The following SLC35F4 variants were observed in gnomAD, a reference collection of about 807,000 sequenced individuals.
SLC35F4 encodes the protein chromosome 14 open reading frame 36.
Under a neutral mutation model 44.2 loss-of-function variants are expected in SLC35F4, and 24 were observed. The ratio of observed to expected loss-of-function variants is 0.54; its 90% CI spans 0.39 to 0.76. The LOEUF is 0.76. Ranked by LOEUF, SLC35F4 falls within the 30% of genes least tolerant of loss-of-function variation. The pLI, the probability that SLC35F4 is intolerant of heterozygous loss-of-function variation, is 0.00. For missense variants in SLC35F4, 562 were observed against 586.1 expected (o/e 0.96, Z 0.42); for synonymous variants, 238 against 223.6 (o/e 1.06, Z -0.57).
intron 1 of SLC35F4, among the ~76,000 whole-genome samples, chr14:57,959,292 G>A (rs751004546): frequency 7.2e-5 from 11 of 152,132 alleles, no homozygotes; most frequent in African/African-American, 9.7e-5. Flanking sequence ...TGGTAGTAAT[G>A]TAAAGTTTCC....
At chr14:57,675,461 G>A (rs558305673) in intron 1 of SLC35F4, among the ~76,000 whole-genome samples, 2 of 151,926 alleles carry the variant, frequency 1.3e-5, no homozygotes, top group Non-Finnish European at 2.9e-5. Flanking sequence ...ACTGGCAAAC[G>A]GCAACAATTT....
chr14:57,738,950 A>G (rs1175717311), intron 1 of SLC35F4, among the ~76,000 whole-genome samples: 3 of 151,770 alleles, frequency 2.0e-5, no homozygotes, highest in African/African-American at 4.8e-5. Flanking sequence ...TATCCTCCAG[A>G]GGATACAAAG....
chr14:57,744,465 C>A (rs1046112328), intron 1 of SLC35F4, among the ~76,000 whole-genome samples: 2 of 151,784 alleles, frequency 1.3e-5, no homozygotes, highest in East Asian at 3.9e-4. Context: ...ATGAGTGAAC[C>A]CCCATTCACA....
intron 1 of SLC35F4, among the ~76,000 whole-genome samples, chr14:57,957,896 CACTT>C (rs780092731): frequency 3.8e-3 from 580 of 152,252 alleles, no homozygotes; most frequent in Non-Finnish European, 6.6e-3. Context: ...CACACACACA[CACTT>C]ACGTATATAT....
intron 1 of SLC35F4, among the ~76,000 whole-genome samples, chr14:57,706,431 AT>A (rs2075678237): frequency 6.6e-6 from 1 of 152,182 alleles, no homozygotes; most frequent in African/African-American, 2.4e-5. Context: ...GAAGGTGGCC[AT>A]GTTGCAGGCC....
At chr14:57,739,580 G>C (rs1421871041) in intron 1 of SLC35F4, among the ~76,000 whole-genome samples, 3 of 152,132 alleles carry the variant, frequency 2.0e-5, no homozygotes, top group Non-Finnish European at 4.4e-5. Flanking sequence ...CAGAAACCAA[G>C]GATCCTCCCT....
chr14:57,704,737 T>C (rs1444318065), intron 1 of SLC35F4, among the ~76,000 whole-genome samples: 3 of 152,164 alleles, frequency 2.0e-5, no homozygotes, highest in Non-Finnish European at 4.4e-5. Context: ...AAGAAAGAGC[T>C]CGCTTCTGTG....
chr14:57,686,810 T>G (rs1443097803), intron 1 of SLC35F4, among the ~76,000 whole-genome samples: 6 of 152,178 alleles, frequency 3.9e-5, no homozygotes, highest in African/African-American at 9.6e-5. Context: ...TTAATTATAT[T>G]TTTAGATTTC....
chr14:57,737,098 T>TTG (rs5808938), intron 1 of SLC35F4, among the ~76,000 whole-genome samples: 34,047 of 148,628 alleles, frequency 0.23, 3,863 homozygotes, highest in South Asian at 0.32. Flanking sequence ...CTTTCTATCT[T>TTG]TGTGTGTGTG....
intron 1 of SLC35F4, among the ~76,000 whole-genome samples, chr14:57,716,348 C>T (rs951566623): frequency 1.3e-5 from 2 of 151,700 alleles, no homozygotes. Flanking sequence ...CCATTTATGC[C>T]GGATGTTGCA....
chr14:57,664,844 A>T (rs187851543), intron 1 of SLC35F4, among the ~76,000 whole-genome samples: 1 of 152,160 alleles, frequency 6.6e-6, no homozygotes, highest in East Asian at 1.9e-4. Flanking sequence ...GCCTGTCCCA[A>T]TGATCTGAAA....
intron 1 of SLC35F4, among the ~76,000 whole-genome samples, chr14:57,949,454 A>T (rs1890095614): frequency 6.6e-6 from 1 of 152,156 alleles, no homozygotes; most frequent in Non-Finnish European, 1.5e-5. Flanking sequence ...AAGACAGCAG[A>T]TACTTGGTTG....
intron 1 of SLC35F4, among the ~76,000 whole-genome samples, chr14:57,960,528 T>G (rs1476180703): frequency 1.3e-5 from 2 of 152,204 alleles, no homozygotes; most frequent in African/African-American, 4.8e-5. Context: ...AGGAGAAGGA[T>G]GATACTTAAG....
chr14:57,598,736 AC>A (rs1307653057), intron 1 of SLC35F4, among the ~76,000 whole-genome samples: 1 of 152,342 alleles, frequency 6.6e-6, no homozygotes, highest in East Asian at 1.9e-4. Flanking sequence ...AACTGGCTTT[AC>A]TAAGTACTAT....
intron 2 of SLC35F4, among the ~76,000 whole-genome samples, chr14:57,590,482 A>G (rs2139899371): frequency 6.6e-6 from 1 of 152,314 alleles, no homozygotes; most frequent in African/African-American, 2.4e-5. Context: ...CCACCTCACC[A>G]ATGACTAATA....
intron 1 of SLC35F4, among the ~76,000 whole-genome samples, chr14:57,720,802 AAGACT>A (rs1308403664): frequency 6.6e-6 from 1 of 151,792 alleles, no homozygotes; most frequent in African/African-American, 2.4e-5. Flanking sequence ...AAAATGTGAA[AAGACT>A]AGACTAGTCT....
chr14:57,938,780 G>T (rs752263788), intron 1 of SLC35F4, among the ~76,000 whole-genome samples: 3 of 152,102 alleles, frequency 2.0e-5, no homozygotes, highest in South Asian at 4.2e-4. Context: ...GCTTTTAGCC[G>T]CAAGACCCTA....
chr14:57,934,097 C>A (rs562697699), intron 1 of SLC35F4, among the ~76,000 whole-genome samples: 1 of 151,902 alleles, frequency 6.6e-6, no homozygotes, highest in South Asian at 2.1e-4. Context: ...GTTTTAAAAG[C>A]AAAATATAAG....
intron 1 of SLC35F4, among the ~76,000 whole-genome samples, chr14:57,935,729 C>T (rs914170847): frequency 6.6e-6 from 1 of 152,190 alleles, no homozygotes; most frequent in Admixed American, 6.5e-5. Flanking sequence ...CCCATATATC[C>T]TGTTTCTCCA....
Sources: gnomAD v4.1 joint callset for allele counts (sites outside exome capture counted in the v4.1 genomes callset) on GRCh38, gnomAD v4.1.1 for gene constraint, MANE v1.5 for transcripts, NCBI Gene and HGNC (gene_info 2026-07-23, HGNC 2026-07-21) for gene names.